The following NCAM2 variants were observed in gnomAD, a reference collection of about 807,000 sequenced individuals.
NCAM2 encodes the protein N-CAM-2.
Under a neutral mutation model 98.1 loss-of-function variants are expected in NCAM2, and 30 were observed. The observed-to-expected ratio is 0.31, with a 90% CI of 0.23 to 0.41. The LOEUF (loss-of-function observed/expected upper bound fraction) is 0.41. Among genes scored for constraint, NCAM2 ranks in the 10% least tolerant of loss-of-function variants. NCAM2 has a pLI of 1.00. For synonymous variants in NCAM2, 368 were observed against 342.4 expected (o/e 1.07, Z -0.83); for missense variants, 867 against 1,005.8 (o/e 0.86, Z 1.87).
intron 5 of NCAM2, among the ~76,000 whole-genome samples, chr21:21,296,304 G>A (rs865848168): frequency 1.4e-4 from 22 of 151,946 alleles, no homozygotes; most frequent in Admixed American, 5.3e-4. Context: ...GCTGAAGACA[G>A]GAGAGTACCT....
Position 21,308,687 on chromosome 21 carries a change from A to G in NCAM2, c.620-15696A>G, listed in dbSNP as rs78104603. Among the ~76,000 whole-genome samples, 877 of 152,252 alleles carry G rather than the reference A, an allele frequency of 5.8e-3. 4 individuals are homozygous for G. Among genetic ancestry groups the G allele is most frequent in the Non-Finnish European group, 9.7e-3 (657 of 68,002 alleles). ...AATTTAGAAAAGTTTTAGTCATTAG[A>G]TGTTCACATATTGTTCTCTGTCCCA... On this transcript the variant is annotated intron_variant, in intron 5 of 17. Transcript: ENST00000400546.
chr21:21,260,468 C>T (rs552581538), intron 1 of NCAM2, among the ~76,000 whole-genome samples: 14 of 151,764 alleles, frequency 9.2e-5, no homozygotes, highest in Non-Finnish European at 1.6e-4. Flanking sequence ...TTACAAATTA[C>T]CTATGAAGGA....
intron 1 of NCAM2, among the ~76,000 whole-genome samples, chr21:21,249,727 A>G (rs2147280623): frequency 6.6e-6 from 1 of 152,274 alleles, no homozygotes; most frequent in African/African-American, 2.4e-5. Flanking sequence ...GGTCAATAAT[A>G]GAGTGTCCCT....
intron 11 of NCAM2, among the ~76,000 whole-genome samples, chr21:21,426,663 G>T (rs746973731): frequency 6.6e-6 from 1 of 152,120 alleles, no homozygotes; most frequent in African/African-American, 2.4e-5. Context: ...GGATGAATAG[G>T]CTGTGGAATG....
chr21:21,049,029 T>TTTTTTTTTTTTTG (rs2065053268), intron 1 of NCAM2, among the ~76,000 whole-genome samples: 1 of 148,656 alleles, frequency 6.7e-6, no homozygotes, highest in African/African-American at 2.5e-5. Flanking sequence ...TTTTTTTTTT[T>TTTTTTTTTTTTTG]GAGACGGAGT....
At chr21:21,090,145 G>A (rs1184998893) in intron 1 of NCAM2, among the ~76,000 whole-genome samples, 1 of 152,196 alleles carries the variant, frequency 6.6e-6, no homozygotes, top group African/African-American at 2.4e-5. Flanking sequence ...CACTGAATCA[G>A]AATCAGCCTT....
intron 1 of NCAM2, among the ~76,000 whole-genome samples, chr21:21,238,091 G>A (rs2070913257): frequency 6.6e-6 from 1 of 151,566 alleles, no homozygotes; most frequent in Admixed American, 6.6e-5. Flanking sequence ...AAGTAGCTGG[G>A]ACTACAGGAA....
chr21:21,145,074 A>T (rs967580842), intron 1 of NCAM2, among the ~76,000 whole-genome samples: 1 of 150,856 alleles, frequency 6.6e-6, no homozygotes, highest in Non-Finnish European at 1.5e-5. Context: ...TCAAGTTGAT[A>T]TCCACTGCAG....
chr21:21,109,990 T>C (rs2066422876), intron 1 of NCAM2, among the ~76,000 whole-genome samples: 1 of 152,226 alleles, frequency 6.6e-6, no homozygotes, highest in South Asian at 2.1e-4. Context: ...TGTTTTGTCT[T>C]GCTGGAGTTG....
intron 6 of NCAM2, among the ~76,000 whole-genome samples, chr21:21,327,288 C>A (rs944440488): frequency 2.8e-5 from 3 of 106,330 alleles, no homozygotes; most frequent in Non-Finnish European, 5.1e-5. Flanking sequence ...AGCCAGGCAA[C>A]AGAGCAAGAC....
At chr21:21,071,869 GCCTATCTATCTATCTATCTATCTA>G (rs1229599535) in intron 1 of NCAM2, among the ~76,000 whole-genome samples, 3 of 133,756 alleles carry the variant, frequency 2.2e-5, no homozygotes, top group Non-Finnish European at 3.1e-5. Context: ...TGTCATGTCT[GCCTATCTATCTATCTATCTATCTA>G]TCTATCTATC....
At chr21:21,093,191 C>G (rs1470087999) in intron 1 of NCAM2, among the ~76,000 whole-genome samples, 1 of 152,118 alleles carries the variant, frequency 6.6e-6, no homozygotes, top group Non-Finnish European at 1.5e-5. Flanking sequence ...GGAAGGCAGA[C>G]AGAGAGTCTG....
At chr21:21,189,593 G>A (rs60892498) in intron 1 of NCAM2, among the ~76,000 whole-genome samples, 1 of 152,050 alleles carries the variant, frequency 6.6e-6, no homozygotes, top group Non-Finnish European at 1.5e-5. Flanking sequence ...ATAAATTCCA[G>A]ACTTGATTTT....
intron 14 of NCAM2, among the ~76,000 whole-genome samples, chr21:21,475,468 G>C (rs1279808984): frequency 6.6e-6 from 1 of 152,096 alleles, no homozygotes; most frequent in Non-Finnish European, 1.5e-5. Context: ...ATAAATAATT[G>C]ATGAATGAGT....
chr21:21,320,215 T>C (rs2074339467), intron 5 of NCAM2, among the ~76,000 whole-genome samples: 1 of 152,210 alleles, frequency 6.6e-6, no homozygotes, highest in Non-Finnish European at 1.5e-5. Context: ...GATTAGATTT[T>C]GTAACAAGAC....
intron 12 of NCAM2, among the ~76,000 whole-genome samples, chr21:21,457,370 G>A (rs779826810): frequency 1.1e-4 from 17 of 152,238 alleles, no homozygotes; most frequent in African/African-American, 2.2e-4. Flanking sequence ...GGTCTGACGC[G>A]GTGGCACACG....
chr21:21,328,705 AAG>A (rs1212467818), intron 6 of NCAM2, among the ~76,000 whole-genome samples: 1 of 152,148 alleles, frequency 6.6e-6, no homozygotes, highest in Non-Finnish European at 1.5e-5. Context: ...GTTATTAAAA[AAG>A]AGTCAAAAGT....
chr21:21,484,777 C>G (rs1205120915), intron 15 of NCAM2, among the ~76,000 whole-genome samples: 1 of 152,108 alleles, frequency 6.6e-6, no homozygotes, highest in Non-Finnish European at 1.5e-5. Context: ...GAAGGAAATT[C>G]AATCGGGATT....
intron 5 of NCAM2, among the ~76,000 whole-genome samples, chr21:21,302,636 T>C (rs2073755107): frequency 1.3e-5 from 2 of 152,104 alleles, no homozygotes; most frequent in East Asian, 1.9e-4. Flanking sequence ...AAAGGGAATG[T>C]ATATAACTAT....
Sources: gnomAD v4.1 joint callset for allele counts (sites outside exome capture counted in the v4.1 genomes callset) on GRCh38, gnomAD v4.1.1 for gene constraint, MANE v1.5 for transcripts, NCBI Gene and HGNC (gene_info 2026-07-23, HGNC 2026-07-21) for gene names.